The following RC3H2 variants were observed in gnomAD, a reference collection of about 807,000 sequenced individuals.
The protein encoded by RC3H2 is ring finger and CCCH-type domains 2.
In RC3H2, 31 loss-of-function variants were observed where a neutral mutation model predicts 133.3. The observed-to-expected ratio is 0.23, with a 90% CI of 0.17 to 0.31. RC3H2 has a LOEUF of 0.31. Among genes scored for constraint, RC3H2 ranks in the 10% least tolerant of loss-of-function variants. RC3H2 has a pLI of 1.00. For synonymous variants in RC3H2, 517 were observed against 502.2 expected, an observed-to-expected ratio of 1.03 and a Z score of -0.40; for missense variants, 1,175 against 1,437.2, an observed-to-expected ratio of 0.82 and a Z score of 2.95.
chr9:122,867,494 G>A (rs949841772), intron 9 of RC3H2, among the ~76,000 whole-genome samples: 8 of 142,400 alleles, frequency 5.6e-5, no homozygotes, highest in South Asian at 2.3e-4. Flanking sequence ...CCGCCCTGTC[G>A]GGGATGTGAG....
intron 4 of RC3H2, among the ~76,000 whole-genome samples, chr9:122,887,463 C>CT (rs951794294): frequency 3.3e-5 from 5 of 152,008 alleles, no homozygotes; most frequent in African/African-American, 1.2e-4. Flanking sequence ...GGATTATAAG[C>CT]TTTTTTGCTT....
intron 3 of RC3H2, among the ~76,000 whole-genome samples, chr9:122,891,677 G>A (rs1679469507): frequency 6.6e-6 from 1 of 152,122 alleles, no homozygotes; most frequent in Admixed American, 6.5e-5. Flanking sequence ...CTCAGTCCAC[G>A]CTCTTTAGAT....
At chr9:122,851,459 T>C (rs1401975416) in intron 18 of RC3H2, 23 bp from the exon 19 acceptor site, 3 of 1,598,498 alleles carry the variant, frequency 1.9e-6, no homozygotes, top group African/African-American at 1.4e-5. Flanking sequence ...CTGATTTTGC[T>C]CTCCCTCTCC....
rs1240887209 is a variant in RC3H2 at position 122,879,839 on chromosome 9, A to G, written c.1128T>C (p.Asn376=). Residue 376 remains asparagine, a synonymous_variant, in exon 8 of 21, where the codon AAT becomes AAC. Transcript: ENST00000357244. The part of the protein sequence containing the change: ...AVSPTWEQLE[N]AMVAVKTVVH... ...CTACTGTTTTAACAGCTACCATTGC[A>G]TTTTCCAGCTGCTCCCAAGTTGGTG... 6.2e-7 allele frequency: 1 copy of G among 1,614,018 alleles called. No homozygotes were observed. The highest frequency in any genetic ancestry group is 8.5e-7 in the Non-Finnish European group (1 of 1,180,040).
At chr9:122,877,435 A>T in intron 9 of RC3H2, 36 bp downstream of exon 9, 1 of 1,540,168 alleles carries the variant, frequency 6.5e-7, no homozygotes, top group Non-Finnish European at 9.0e-7. Flanking sequence ...AAAATCAAAA[A>T]TTAAACCCAT....
At position 122,846,590 on chromosome 9, in the gene RC3H2, AAC is replaced by A. The variant is rs1167531976; in HGVS notation, c.*3035_*3036del. On this transcript the variant is annotated 3_prime_UTR_variant, in exon 21 of 21. Transcript: ENST00000357244. Reference sequence around the variant, plus strand: ...TGGAACTTAGAAATTAAAAAACAAAAACACAAAAAATGAAAGAAAATAACCAC... The same window carrying A: ...TGGAACTTAGAAATTAAAAAACAAAAACAAAAAATGAAAGAAAATAACCAC... 6.6e-6 allele frequency: 1 copy of A among 152,208 alleles called. No individual in the cohort carries two copies. The highest frequency in any genetic ancestry group is 1.5e-5 in the Non-Finnish European group (1 of 68,022). The allele number at this position is 152,208 out of a possible 1,614,324, so 9.4% of individuals were successfully genotyped here.
At chr9:122,854,471 C>A (rs975208746) in intron 16 of RC3H2, 60 bp downstream of exon 16, 5 of 1,325,564 alleles carry the variant, frequency 3.8e-6, no homozygotes, top group African/African-American at 1.4e-5. Flanking sequence ...AGAATGTGTA[C>A]CCTTAAGATA....
chr9:122,885,114 T>A (rs1293958484), intron 4 of RC3H2, among the ~76,000 whole-genome samples: 4 of 152,160 alleles, frequency 2.6e-5, no homozygotes. Flanking sequence ...ATCATTAATT[T>A]TTAAAAATTT....
At chr9:122,851,271 T>C (rs1322651545) in intron 19 of RC3H2, 42 bp from the exon 20 acceptor site, 1 of 1,611,758 alleles carries the variant, frequency 6.2e-7, no homozygotes, top group African/African-American at 1.3e-5. Flanking sequence ...GAAAGTATTT[T>C]ATAAATTTTC....
chr9:122,897,671 A>C, intron 1 of RC3H2, 95 bp from the exon 2 acceptor site: 1 of 762,400 alleles, frequency 1.3e-6, no homozygotes, highest in Non-Finnish European at 2.0e-6. Flanking sequence ...TCAGACCTAA[A>C]ATACTTCTAA....
chr9:122,861,837 A>T (rs1406955504), intron 10 of RC3H2, among the ~76,000 whole-genome samples: 2 of 152,226 alleles, frequency 1.3e-5, no homozygotes. Flanking sequence ...AATGTAAAAA[A>T]TAACTAAGGA....
chr9:122,897,024 TAAAAAAAAAAAAAA>T (rs139505008), intron 2 of RC3H2, among the ~76,000 whole-genome samples: 1 of 37,022 alleles, frequency 2.7e-5, no homozygotes, highest in Admixed American at 3.4e-4. Flanking sequence ...AGACTCTGTC[TAAAAAAAAAAAAAA>T]AAAAAAAAAA....
At chr9:122,866,685 A>G (rs1830689609) in intron 9 of RC3H2, among the ~76,000 whole-genome samples, 1 of 152,074 alleles carries the variant, frequency 6.6e-6, no homozygotes, top group Non-Finnish European at 1.5e-5. Context: ...GGGATTGCAG[A>G]CGATGTCTGG....
Position 122,854,075 on chromosome 9 carries a change from G to T in RC3H2, c.2994C>A (p.Asn998Lys). 1 of 1,613,932 alleles carries T rather than the reference G, an allele frequency of 6.2e-7. No homozygotes were observed. Among genetic ancestry groups the T allele is most frequent in the Non-Finnish European group, 8.5e-7 (1 of 1,180,034 alleles). The change falls in exon 18 of 21, where the codon AAC becomes AAA. Residue 998 changes from asparagine (N) to lysine (K), a missense_variant. Asn to Lys is a moderately conservative substitution (Grantham distance 94, BLOSUM62 0). Coordinates refer to ENST00000357244, the MANE Select transcript of RC3H2 (RefSeq NM_001100588.3). ...TGGCCTCTCTCTGAAGAAGTAATGA[G>T]TTGCTCTTGGCCTATATGAGGAGGG... ...LSLELQQAKSNSLLLQREANA... is the reference protein window; with the variant it reads ...LSLELQQAKSKSLLLQREANA...
Position 122,897,472 on chromosome 9 carries a change from G to A in RC3H2, c.38C>T (p.Ser13Phe), listed in dbSNP as rs1832472865. The change falls in exon 2 of 21, where the codon TCC becomes TTC. Residue 13 changes from serine (S) to phenylalanine (F), a missense_variant. Ser to Phe is a radical substitution (Grantham distance 155, BLOSUM62 -2). Around this residue, in one of 8 missense-constraint regions of RC3H2, gnomAD observed 41 missense variants for 88.0 expected, o/e 0.47. Coordinates refer to ENST00000357244, the MANE Select transcript of RC3H2 (RefSeq NM_001100588.3). ...VQAAQWTEFLSCPICYNEFDE... is the reference protein window; with the variant it reads ...VQAAQWTEFLFCPICYNEFDE... ...AAATTCATTATAGCAGATTGGACAG[G>A]ACAGAAATTCTGTCCATTGAGCTGC... The A allele has an allele frequency of 6.2e-7, 1 of 1,614,048 alleles. No homozygotes were observed. The highest frequency in any genetic ancestry group is 1.1e-5 in the South Asian group (1 of 91,040).
rs932842062 is a variant in RC3H2, at chr9:122,845,825, C to T, written c.*3802G>A. 12 of 152,176 alleles carry T rather than the reference C, an allele frequency of 7.9e-5. No homozygotes were observed. Among genetic ancestry groups the T allele is most frequent in the African/African-American group, 1.9e-4 (8 of 41,446 alleles). The allele number at this position is 152,176 out of a possible 1,614,324, so 9.4% of individuals were successfully genotyped here. A position where few individuals can be genotyped will look rare whatever the true frequency, so the allele number is the denominator to read the frequency against. ...GTTACAGTAAGTGATCCCATCAAGC[C>T]TCTTCATTCACTAAAACAAAAGAAA... On this transcript the variant is annotated 3_prime_UTR_variant, in exon 21 of 21. Transcript: ENST00000357244.
At chr9:122,876,834 A>G (rs1564303037) in intron 9 of RC3H2, among the ~76,000 whole-genome samples, 1 of 152,128 alleles carries the variant, frequency 6.6e-6, no homozygotes, top group Non-Finnish European at 1.5e-5. Flanking sequence ...AAGAGAAAGA[A>G]TACACAGGGA....
At chr9:122,901,307 ATAAT>A (rs1188082990) in intron 1 of RC3H2, among the ~76,000 whole-genome samples, 1 of 152,222 alleles carries the variant, frequency 6.6e-6, no homozygotes, top group African/African-American at 2.4e-5. Context: ...AAACTTAAAA[ATAAT>A]TAGTTTTGTT....
Position 122,851,611 on chromosome 9 carries a change from C to T in RC3H2, c.3118-175G>A, listed in dbSNP as rs377198590. The stretch of plus-strand genomic sequence containing the variant: ...CAACCTCCCTGCCTGATTCTCCTGC[C>T]TCAGCCTGCAGAGTGCCTGCAATTG... On this transcript the variant is annotated intron_variant, in intron 18 of 20. Transcript: ENST00000357244. 2.1e-3 allele frequency: 1,793 copies of T among 837,208 alleles called. 30 individuals carry two copies. In the East Asian group the frequency reaches 0.041, roughly 19 times the overall value. 51.9% of individuals were successfully genotyped at this position (837,208 alleles called of 1,614,324 possible). A position where few individuals can be genotyped will look rare whatever the true frequency, so the allele number is the denominator to read the frequency against.
Sources: allele counts gnomAD v4.1 joint callset (sites outside exome capture counted in the v4.1 genomes callset), GRCh38; gene constraint gnomAD v4.1.1; regional missense constraint gnomAD v4.1.1; transcripts MANE v1.5; gene names NCBI Gene and HGNC (gene_info 2026-07-23, HGNC 2026-07-21).